SPATA3: variants seen among roughly 807,000 people sequenced by gnomAD.
SPATA3 encodes the protein spermatogenesis associated 3, also known as spermatogenesis-associated protein 3.
In SPATA3, 6 loss-of-function variants were observed where a neutral mutation model predicts 5.7. The observed-to-expected ratio is 1.06, with a 90% confidence interval of 0.58 to 2.09. SPATA3 has a LOEUF of 2.09. SPATA3 is among the 30% of genes most tolerant of loss of function. The pLI is 0.00. For synonymous variants in SPATA3, 44 were observed against 48.4 expected (o/e 0.91, Z 0.37); for missense variants, 155 against 130.4 (o/e 1.19, Z -0.92).
intron 6 of SPATA3, among the ~76,000 whole-genome samples, chr2:231,014,894 G>A (rs1398980256): frequency 6.6e-6 from 1 of 152,146 alleles, no homozygotes; most frequent in Non-Finnish European, 1.5e-5. Context: ...CGGGTGTTAA[G>A]GTGCCCTTCC....
At chr2:231,009,332 G>A (rs1692722177), downstream of SPATA3, among the ~76,000 whole-genome samples, 1 of 152,182 alleles carries the variant, frequency 6.6e-6, no homozygotes, top group Non-Finnish European at 1.5e-5. Context: ...AGAACTCCCA[G>A]CTGCCTCAAG....
intron 2 of SPATA3, among the ~76,000 whole-genome samples, chr2:231,001,325 C>T (rs1692345472): frequency 6.6e-6 from 1 of 152,104 alleles, no homozygotes; most frequent in African/African-American, 2.4e-5. Flanking sequence ...CACCTGAGGG[C>T]CTCACAGATC....
At chr2:231,015,878 A>G (rs571704911) in intron 6 of SPATA3, among the ~76,000 whole-genome samples, 40 of 152,380 alleles carry the variant, frequency 2.6e-4, no homozygotes, top group Non-Finnish European at 5.3e-4. Context: ...TTAAAGTGGC[A>G]TATTCCCACG....
intron 2 of SPATA3, among the ~76,000 whole-genome samples, chr2:231,001,897 C>T (rs998951436): frequency 2.0e-5 from 3 of 152,204 alleles, no homozygotes; most frequent in Non-Finnish European, 4.4e-5. Flanking sequence ...CAGGCTCCAA[C>T]AGGAACCTCT....
downstream of SPATA3, among the ~76,000 whole-genome samples, chr2:231,005,918 C>T (rs1280727166): frequency 1.3e-5 from 2 of 149,078 alleles, no homozygotes; most frequent in Admixed American, 1.4e-4. Flanking sequence ...AATCCTAGAC[C>T]TTTGGGAGGC....
At chr2:231,002,535 T>C in intron 2 of SPATA3, 149 bp from the exon 3 acceptor site, 1 of 458,900 alleles carries the variant, frequency 2.2e-6, no homozygotes, top group Non-Finnish European at 3.8e-6. Context: ...ATGGGAAGAA[T>C]TAAATGCTCT....
chr2:230,998,736 G>C (rs1692229927), intron 1 of SPATA3, among the ~76,000 whole-genome samples: 1 of 152,234 alleles, frequency 6.6e-6, no homozygotes, highest in African/African-American at 2.4e-5. Flanking sequence ...ACAAGTGTTG[G>C]TGAGGATGTA....
chr2:231,010,767 T>G (rs1282968960), downstream of SPATA3, among the ~76,000 whole-genome samples: 2 of 152,070 alleles, frequency 1.3e-5, no homozygotes, highest in Non-Finnish European at 2.9e-5. Context: ...CTCTGAACAT[T>G]GTCTCAAGAC....
downstream of SPATA3, among the ~76,000 whole-genome samples, chr2:231,005,937 G>C (rs1340057901): frequency 6.6e-6 from 1 of 151,234 alleles, no homozygotes; most frequent in Non-Finnish European, 1.5e-5. Flanking sequence ...GCCCAGGCAG[G>C]GGGATAACTT....
At chr2:231,005,469 C>T (rs1187105555), downstream of SPATA3, among the ~76,000 whole-genome samples, 34 of 82,512 alleles carry the variant, frequency 4.1e-4, no homozygotes, top group African/African-American at 6.1e-4. Flanking sequence ...ACCACCACCA[C>T]CATCATCACC....
At chr2:230,998,651 G>A (rs907904882) in intron 1 of SPATA3, among the ~76,000 whole-genome samples, 2 of 152,198 alleles carry the variant, frequency 1.3e-5, no homozygotes, top group African/African-American at 2.4e-5. Context: ...AAGCCTTTTT[G>A]TGTGCAGAAA....
downstream of SPATA3, chr2:231,006,950 C>T (rs1280683658): frequency 6.6e-6 from 1 of 152,212 alleles, no homozygotes. Flanking sequence ...GCAGGGGCCC[C>T]CGGGGAAGGC....
At chr2:231,000,242 T>C (rs2125096697) in intron 1 of SPATA3, 124 bp from the exon 2 acceptor site, 3 of 905,532 alleles carry the variant, frequency 3.3e-6, no homozygotes, top group Non-Finnish European at 4.7e-6. Context: ...AAATCCAGCG[T>C]TCGCCCTGGT....
intron 1 of SPATA3, among the ~76,000 whole-genome samples, chr2:231,000,045 C>A (rs1172031671): frequency 6.6e-6 from 1 of 152,194 alleles, no homozygotes; most frequent in African/African-American, 2.4e-5. Context: ...GCCATGGCAC[C>A]ATCAGCACCA....
chr2:231,008,337 G>A (rs1401364640), downstream of SPATA3, among the ~76,000 whole-genome samples: 3 of 152,214 alleles, frequency 2.0e-5, no homozygotes, highest in East Asian at 1.9e-4. Flanking sequence ...CTGGAACGGT[G>A]ACAGCGGCAT....
At chr2:231,010,010 G>A (rs1321262100), downstream of SPATA3, among the ~76,000 whole-genome samples, 1 of 152,208 alleles carries the variant, frequency 6.6e-6, no homozygotes, top group African/African-American at 2.4e-5. Context: ...GTTTAGAGCT[G>A]GAAAGAAGAG....
intron 6 of SPATA3, among the ~76,000 whole-genome samples, chr2:231,017,361 G>C (rs1009845629): frequency 3.9e-5 from 6 of 152,220 alleles, no homozygotes; most frequent in Non-Finnish European, 7.3e-5. Context: ...CTGGCACAGA[G>C]CCAAAAGCAC....
intron 2 of SPATA3, among the ~76,000 whole-genome samples, chr2:231,002,323 A>G (rs1692383758): frequency 6.6e-6 from 1 of 152,130 alleles, no homozygotes; most frequent in Non-Finnish European, 1.5e-5. Flanking sequence ...CAATGGAGTG[A>G]AGTGATAGAA....
Position 230,996,760 on chromosome 2 carries a change from A to T in SPATA3, c.791-3606A>T, listed in dbSNP as rs557939527. ...TCTCACTGAAGACAGCCACACATACATATAAACATTTAACTTGGTTCCATA... is the reference window on the plus strand; with the variant it reads ...TCTCACTGAAGACAGCCACACATACTTATAAACATTTAACTTGGTTCCATA... On this transcript the variant is annotated intron_variant, in intron 1 of 2. Transcript: ENST00000645363. 7.2e-5 allele frequency among the ~76,000 whole-genome samples: 11 copies of T among 152,368 alleles called. No homozygotes were observed. In the South Asian group the frequency reaches 1.9e-3, roughly 26 times the overall value.
Sources: gnomAD v4.1 joint callset for allele counts (sites outside exome capture counted in the v4.1 genomes callset) on GRCh38, gnomAD v4.1.1 for gene constraint, MANE v1.5 for transcripts, NCBI Gene and HGNC (gene_info 2026-07-23, HGNC 2026-07-21) for gene names.